The following ZNF664 variants were observed in gnomAD, a reference collection of about 807,000 sequenced individuals.
ZNF664 encodes zinc finger Organ of Corti 1.
In ZNF664, 10 loss-of-function variants were observed where a neutral mutation model predicts 18.2. The ratio of observed to expected loss-of-function variants is 0.55; its 90% CI spans 0.34 to 0.93. The LOEUF is 0.93. Among genes scored for constraint, ZNF664 ranks in the 40% least tolerant of loss-of-function variants. The probability of loss-of-function intolerance (pLI) is 0.02; values close to 1 mark genes in which losing one functional copy is unlikely to be tolerated. For synonymous variants in ZNF664, 119 were observed against 104.2 expected, an observed-to-expected ratio of 1.14 and a Z score of -0.86; for missense variants, 193 against 319.0, an observed-to-expected ratio of 0.61 and a Z score of 3.01.
chr12:124,010,462 T>C (rs755441098), intron 3 of ZNF664, among the ~76,000 whole-genome samples: 17 of 152,322 alleles, frequency 1.1e-4, no homozygotes, highest in Middle Eastern at 3.4e-3. Context: ...ATTTTCTTCT[T>C]TTATCTCCTC....
chr12:123,983,249 TGAAA>T (rs1261653553), intron 2 of ZNF664, among the ~76,000 whole-genome samples: 7 of 152,216 alleles, frequency 4.6e-5, no homozygotes, highest in African/African-American at 9.6e-5. Context: ...TGTAAGACAC[TGAAA>T]GAAGAGAATT....
intron 2 of ZNF664, among the ~76,000 whole-genome samples, chr12:123,985,897 A>C (rs1055456903): frequency 6.6e-6 from 1 of 152,262 alleles, no homozygotes; most frequent in Non-Finnish European, 1.5e-5. Context: ...ATATGAGTTA[A>C]GCTTTGATTG....
intron 2 of ZNF664, among the ~76,000 whole-genome samples, chr12:123,978,333 A>C (rs1176227193): frequency 6.6e-6 from 1 of 152,250 alleles, no homozygotes; most frequent in Non-Finnish European, 1.5e-5. Context: ...CTGGATAGAA[A>C]TATAACTTGT....
At position 124,011,978 on chromosome 12, in the gene ZNF664, AAGAC is replaced by A. The variant is rs1218230630; in HGVS notation, c.-164_-161del. 5 of 1,429,598 alleles carry A rather than the reference AAGAC, an allele frequency of 3.5e-6. No individual in the cohort carries two copies. The African/African-American group carries it at 4.3e-5, about 12-fold the overall frequency. The allele number at this position is 1,429,598 out of a possible 1,614,324, so 88.6% of individuals were successfully genotyped here. A position where few individuals can be genotyped will look rare whatever the true frequency, so the allele number is the denominator to read the frequency against. On this transcript the variant is annotated 5_prime_UTR_variant, in exon 5 of 5. The change creates a premature stop within an existing upstream ORF in the 5' untranslated region. Transcript: ENST00000337815. ...TATGCAGGAAGAAACCTTCCGTAGAAAGACAGGCAGGGAAAAGCTTAGGCTGACC... is the reference window on the plus strand; with the variant it reads ...TATGCAGGAAGAAACCTTCCGTAGAAAGGCAGGGAAAAGCTTAGGCTGACC...
intron 4 of ZNF664, 41 bp downstream of exon 4, chr12:124,011,482 G>T: frequency 1.2e-6 from 1 of 809,422 alleles, no homozygotes; most frequent in African/African-American, 1.9e-5. Context: ...AATTAATTTT[G>T]GAATCAATAG....
chr12:123,985,931 A>C (rs892769098), intron 2 of ZNF664, among the ~76,000 whole-genome samples: 3 of 152,226 alleles, frequency 2.0e-5, no homozygotes, highest in African/African-American at 7.2e-5. Flanking sequence ...AACATTTATT[A>C]ACTTTAATTT....
At position 124,012,243 on chromosome 12, in the gene ZNF664, T is replaced by C. The variant is rs1218836924; in HGVS notation, c.99T>C (p.Cys33=). The change falls in exon 5 of 5, where the codon TGT becomes TGC. Residue 33 remains cysteine (C), a synonymous_variant. Transcript: ENST00000337815. ...ACACAGCTGAGAAGCCCCATAAATG[T>C]GACAAGTGTGATAAGGGTTTCTTTC... The part of the protein sequence containing the change: ...KIHTAEKPHK[C]DKCDKGFFHI... 2 of 1,614,226 alleles carry C rather than the reference T, an allele frequency of 1.2e-6. No individual in the cohort carries two copies. The highest frequency in any genetic ancestry group is 4.5e-5 in the East Asian group (2 of 44,878).
intron 2 of ZNF664, among the ~76,000 whole-genome samples, chr12:123,976,225 G>A (rs1956690048): frequency 6.6e-6 from 1 of 152,190 alleles, no homozygotes; most frequent in Non-Finnish European, 1.5e-5. Flanking sequence ...TGCTATGAGG[G>A]AGTATAAAAA....
intron 2 of ZNF664, among the ~76,000 whole-genome samples, chr12:123,975,186 A>G (rs989387132): frequency 1.3e-5 from 2 of 152,186 alleles, no homozygotes; most frequent in African/African-American, 4.8e-5. Context: ...AGTAGTATAT[A>G]TAAAGGTTGG....
At chr12:123,999,134 A>G (rs1378723355) in intron 3 of ZNF664, among the ~76,000 whole-genome samples, 7 of 152,180 alleles carry the variant, frequency 4.6e-5, no homozygotes, top group Non-Finnish European at 8.8e-5. Context: ...TCCAGCCCCT[A>G]TGACACAATT....
At chr12:123,979,526 A>G (rs1469030646) in intron 2 of ZNF664, among the ~76,000 whole-genome samples, 1 of 152,210 alleles carries the variant, frequency 6.6e-6, no homozygotes, top group African/African-American at 2.4e-5. Flanking sequence ...CTACACTTCA[A>G]GGAATCTGTG....
chr12:123,995,634 A>G (rs1402645775), intron 3 of ZNF664, among the ~76,000 whole-genome samples: 3 of 152,254 alleles, frequency 2.0e-5, no homozygotes, highest in Admixed American at 6.5e-5. Context: ...GTAATCAGCA[A>G]CAGAAATGGA....
intron 3 of ZNF664, among the ~76,000 whole-genome samples, chr12:123,988,421 T>C (rs1956849665): frequency 6.6e-6 from 1 of 152,212 alleles, no homozygotes; most frequent in Non-Finnish European, 1.5e-5. Flanking sequence ...AACCATTGGT[T>C]ATTAAAACTT....
chr12:123,973,777 G>C, intron 1 of ZNF664, 109 bp from the exon 2 acceptor site: 1 of 1,228,028 alleles, frequency 8.1e-7, no homozygotes, highest in Non-Finnish European at 1.0e-6. Flanking sequence ...CCGCGTCTTG[G>C]AGCCCTTCCA....
intron 3 of ZNF664, among the ~76,000 whole-genome samples, chr12:124,011,006 T>C (rs1366874989): frequency 6.6e-6 from 1 of 152,170 alleles, no homozygotes; most frequent in Non-Finnish European, 1.5e-5. Flanking sequence ...GTCAGGTGTT[T>C]GAGTTAAGGA....
At chr12:123,985,803 C>T (rs1412319377) in intron 2 of ZNF664, among the ~76,000 whole-genome samples, 1 of 152,162 alleles carries the variant, frequency 6.6e-6, no homozygotes. Flanking sequence ...AGGCCTTAAG[C>T]CATTAAACTT....
chr12:123,995,375 G>A (rs759312482), intron 3 of ZNF664, among the ~76,000 whole-genome samples: 31 of 152,216 alleles, frequency 2.0e-4, no homozygotes, highest in Admixed American at 3.3e-4. Flanking sequence ...CTGCTAAAAT[G>A]CAATTCTGAT....
intron 2 of ZNF664, among the ~76,000 whole-genome samples, chr12:123,983,185 G>C (rs1956786595): frequency 6.6e-6 from 1 of 152,138 alleles, no homozygotes; most frequent in Non-Finnish European, 1.5e-5. Context: ...TTGTGCTACA[G>C]CTAATCCATG....
intron 3 of ZNF664, among the ~76,000 whole-genome samples, chr12:123,989,752 C>T (rs1254383442): frequency 6.6e-6 from 1 of 152,190 alleles, no homozygotes; most frequent in Non-Finnish European, 1.5e-5. Flanking sequence ...AGTACTGGAT[C>T]AACCTCCAGT....
Sources: gnomAD v4.1 joint callset for allele counts (sites outside exome capture counted in the v4.1 genomes callset) on GRCh38, gnomAD v4.1.1 for gene constraint, MANE v1.5 for transcripts, NCBI Gene and HGNC (gene_info 2026-07-23, HGNC 2026-07-21) for gene names.